The following REELD1 variants were observed in gnomAD, a reference collection of about 807,000 sequenced individuals.
REELD1 encodes reeler domain containing 1.
A neutral mutation model predicts 6.3 loss-of-function variants in REELD1; 12 were observed. The ratio of observed to expected loss-of-function variants is 1.89; its 90% CI spans 1.21 to 3.07. REELD1 has a LOEUF of 3.07. REELD1 is among the 30% of genes most tolerant of loss of function. The pLI is 0.00. For synonymous variants in REELD1, 57 were observed against 33.6 expected, an observed-to-expected ratio of 1.70 and a Z score of -2.42; for missense variants, 163 against 86.8, an observed-to-expected ratio of 1.88 and a Z score of -3.49.
Position 146,228,472 on chromosome 4 carries a change from CAA to C in REELD1, c.859_860del (p.Lys287GlufsTer12), listed in dbSNP as rs1188316920. On this transcript the variant is annotated frameshift_variant, in exon 6 of 8. Coordinates refer to ENST00000623665, the MANE Select transcript of REELD1 (RefSeq NM_001354631.1). LOFTEE classifies it high-confidence loss of function. The part of the protein sequence containing the change: ...VHRLERLVAL[K>X]RVSSESFASS... ...ACAGGCTGGAGAGGCTCGTGGCCCTCAAGAGAGTCTCCTCAGAGAGCTTTGCT... is the reference window on the plus strand; with the variant it reads ...ACAGGCTGGAGAGGCTCGTGGCCCTCGAGAGTCTCCTCAGAGAGCTTTGCT... The C allele has an allele frequency of 1.4e-5, 10 of 702,408 alleles. No homozygotes were observed. The Admixed American group carries it at 1.6e-4, about 11-fold the overall frequency. 43.5% of individuals were successfully genotyped at this position (702,408 alleles called of 1,614,324 possible). A position where few individuals can be genotyped will look rare whatever the true frequency, so the allele number is the denominator to read the frequency against.
At chr4:146,223,175 T>C (rs867487142) in intron 4 of REELD1, among the ~76,000 whole-genome samples, 2 of 152,236 alleles carry the variant, frequency 1.3e-5, no homozygotes, top group Non-Finnish European at 1.5e-5. Context: ...CCAAGAAAGA[T>C]AATTTTTCTC....
intron 5 of REELD1, among the ~76,000 whole-genome samples, chr4:146,227,829 A>T (rs1237430281): frequency 1.3e-5 from 2 of 152,192 alleles, no homozygotes; most frequent in Non-Finnish European, 2.9e-5. Flanking sequence ...TTAGGGCAAG[A>T]AAGATCTAGG....
intron 3 of REELD1, among the ~76,000 whole-genome samples, chr4:146,219,559 A>G (rs1730883853): frequency 6.6e-6 from 1 of 152,250 alleles, no homozygotes; most frequent in Non-Finnish European, 1.5e-5. Context: ...ACCAAGCTGC[A>G]TTTAGCAAAC....
chr4:146,217,191 G>A (rs1472774019), intron 3 of REELD1, 31 bp downstream of exon 3: 12 of 398,828 alleles, frequency 3.0e-5, no homozygotes, highest in East Asian at 1.1e-4. Context: ...GAGAGACTCC[G>A]AGGAGCCCCA....
chr4:146,220,919 G>A (rs184798132), intron 3 of REELD1, among the ~76,000 whole-genome samples: 6 of 152,282 alleles, frequency 3.9e-5, no homozygotes, highest in African/African-American at 1.4e-4. Context: ...GGGAATAAGC[G>A]GACAATCGCT....
intron 4 of REELD1, among the ~76,000 whole-genome samples, chr4:146,223,989 G>A (rs942332579): frequency 1.3e-5 from 2 of 152,160 alleles, no homozygotes; most frequent in African/African-American, 4.8e-5. Flanking sequence ...AGAATATTAA[G>A]GATTTATCTC....
At chr4:146,229,140 A>G (rs1426236376) in intron 7 of REELD1, 52 bp downstream of exon 7, 1 of 698,606 alleles carries the variant, frequency 1.4e-6, no homozygotes, top group East Asian at 2.7e-5. Flanking sequence ...TGATCCTAGA[A>G]TGGTCAGTTT....
intron 2 of REELD1, among the ~76,000 whole-genome samples, chr4:146,215,633 C>A (rs1730810213): frequency 7.1e-6 from 1 of 140,240 alleles, no homozygotes; most frequent in Admixed American, 7.2e-5. Flanking sequence ...TTAAAACCAG[C>A]TGACTACAGG....
chr4:146,220,334 T>C (rs1730901313), intron 3 of REELD1, among the ~76,000 whole-genome samples: 1 of 152,236 alleles, frequency 6.6e-6, no homozygotes, highest in African/African-American at 2.4e-5. Flanking sequence ...TATGGGTATT[T>C]ACTTTTTAAA....
chr4:146,231,418 A>G lies in REELD1; in HGVS notation c.*905A>G, dbSNP rs1731128958. ...GAAGAAAGCTTCATGGATGAAGGTC[A>G]TCTACCTGATCTCATAACCTTATGA... On this transcript the variant is annotated 3_prime_UTR_variant, in exon 8 of 8. Coordinates refer to ENST00000623665, the MANE Select transcript of REELD1 (RefSeq NM_001354631.1). Among the ~76,000 whole-genome samples the G allele has an allele frequency of 6.6e-6, 1 of 152,232 alleles. No homozygotes were observed. Among genetic ancestry groups the G allele is most frequent in the Admixed American group, 6.5e-5 (1 of 15,286 alleles).
intron 2 of REELD1, among the ~76,000 whole-genome samples, chr4:146,216,599 C>T (rs1451440090): frequency 6.6e-6 from 1 of 152,210 alleles, no homozygotes; most frequent in African/African-American, 2.4e-5. Context: ...TACCAGTCAG[C>T]TTGCAAGGAG....
chr4:146,228,615 C>T (rs1731070584), intron 6 of REELD1, 93 bp downstream of exon 6: 2 of 605,702 alleles, frequency 3.3e-6, no homozygotes, highest in African/African-American at 3.7e-5. Flanking sequence ...AAGATCTCAG[C>T]CATATTTTTT....
At chr4:146,218,163 C>G (rs1239065167) in intron 3 of REELD1, among the ~76,000 whole-genome samples, 2 of 152,358 alleles carry the variant, frequency 1.3e-5, no homozygotes, top group African/African-American at 2.4e-5. Context: ...AGTGGGGACC[C>G]TCTGAGAAGC....
In REELD1 at chr4:146,230,569, C is replaced by G. The variant is rs1731112226; in HGVS notation, c.*56C>G. 5.0e-6 allele frequency: 2 copies of G among 397,974 alleles called. No homozygotes were observed. Among genetic ancestry groups the G allele is most frequent in the Non-Finnish European group, 8.8e-6 (2 of 226,040 alleles). The allele number at this position is 397,974 out of a possible 1,614,324, so 24.7% of individuals were successfully genotyped here. On this transcript the variant is annotated 3_prime_UTR_variant, in exon 8 of 8. Transcript: ENST00000623665. ...CCTCCTTGGGCCCTGGAGAGTGTCC[C>G]AGACAGAGCAGAGATAATGAGAATA... is the stretch of plus-strand genomic sequence containing the variant.
rs990293058 is a variant in REELD1, at chr4:146,222,450, C to T, written c.302C>T (p.Pro101Leu). The T allele has an allele frequency of 1.3e-5, 5 of 398,500 alleles. No homozygotes were observed. Among genetic ancestry groups the T allele is most frequent in the African/African-American group, 1.0e-4 (5 of 48,620 alleles). The allele number at this position is 398,500 out of a possible 1,614,324, so 24.7% of individuals were successfully genotyped here. Residue 101 changes from proline (P) to leucine (L), a missense_variant, in exon 4 of 8, where the codon CCT becomes CTT. Physicochemically the swap from Pro to Leu is moderately conservative, Grantham distance 98. Transcript: ENST00000623665. ...ATCGCTGGCACTTTCGTTCTCATTCCTCCTCATTCCAAACTGATGACTTGT... is the reference window on the plus strand; with the variant it reads ...ATCGCTGGCACTTTCGTTCTCATTCTTCCTCATTCCAAACTGATGACTTGT... ...HQIAGTFVLI[P>L]PHSKLMTCFQ...
chr4:146,220,036 T>C (rs913022310), intron 3 of REELD1, among the ~76,000 whole-genome samples: 1 of 152,232 alleles, frequency 6.6e-6, no homozygotes, highest in Non-Finnish European at 1.5e-5. Flanking sequence ...ATCCACCTTC[T>C]GGGTCATGCC....
rs1385624181 is a variant in REELD1 at position 146,224,620 on chromosome 4, C to A, written c.595+12C>A. 5.7e-6 allele frequency: 4 copies of A among 701,680 alleles called. No homozygotes were observed. Among genetic ancestry groups the A allele is most frequent in the Non-Finnish European group, 1.0e-5 (4 of 384,706 alleles). The allele number at this position is 701,680 out of a possible 1,614,324, so 43.5% of individuals were successfully genotyped here. A position where few individuals can be genotyped will look rare whatever the true frequency, so the allele number is the denominator to read the frequency against. ...AGGAGCTGCTCCAGGTACAGCTTGTCATTGTATTTGCCAGGCTGGTTGTCA... is the reference window on the plus strand; with the variant it reads ...AGGAGCTGCTCCAGGTACAGCTTGTAATTGTATTTGCCAGGCTGGTTGTCA... On this transcript the variant is annotated intron_variant, in intron 5 of 7. Transcript: ENST00000623665.
intron 3 of REELD1, among the ~76,000 whole-genome samples, chr4:146,218,845 G>GT (rs1326468631): frequency 6.6e-6 from 1 of 152,074 alleles, no homozygotes; most frequent in Non-Finnish European, 1.5e-5. Context: ...AATAACAACG[G>GT]TAAGAATCAA....
chr4:146,218,829 T>C (rs1293139543), intron 3 of REELD1, among the ~76,000 whole-genome samples: 1 of 152,110 alleles, frequency 6.6e-6, no homozygotes, highest in East Asian at 1.9e-4. Flanking sequence ...GTTCTGTGGC[T>C]AGGGGAATAA....
Sources: gnomAD v4.1 joint callset for allele counts (sites outside exome capture counted in the v4.1 genomes callset) on GRCh38, gnomAD v4.1.1 for gene constraint, MANE v1.5 for transcripts, NCBI Gene and HGNC (gene_info 2026-07-23, HGNC 2026-07-21) for gene names.